EXOC6B: variants seen among roughly 807,000 people sequenced by gnomAD.
The protein encoded by EXOC6B is SEC15 homolog B.
EXOC6B carries 54 observed loss-of-function variants against 113.5 expected under a neutral mutation model. The ratio of observed to expected loss-of-function variants is 0.48; its 90% CI spans 0.38 to 0.60. The LOEUF (loss-of-function observed/expected upper bound fraction) is 0.60. Ranked by LOEUF, EXOC6B falls within the 20% of genes least tolerant of loss-of-function variation. The pLI is 0.00. For synonymous variants in EXOC6B, 357 were observed against 339.0 expected (o/e 1.05, Z -0.58); for missense variants, 797 against 977.5 (o/e 0.82, Z 2.46).
At chr2:72,699,178 G>C (rs530507175) in intron 6 of EXOC6B, among the ~76,000 whole-genome samples, 3 of 152,212 alleles carry the variant, frequency 2.0e-5, no homozygotes, top group Non-Finnish European at 4.4e-5. Context: ...GCTTGAAGAC[G>C]TATCAAGAAA....
intron 8 of EXOC6B, among the ~76,000 whole-genome samples, chr2:72,532,432 T>C (rs1039585001): frequency 6.6e-6 from 1 of 152,182 alleles, no homozygotes; most frequent in Admixed American, 6.5e-5. Flanking sequence ...GAGTGGCTAG[T>C]AGGTATCAGA....
At chr2:72,491,949 AT>A (rs1189833417) in intron 16 of EXOC6B, among the ~76,000 whole-genome samples, 1 of 152,142 alleles carries the variant, frequency 6.6e-6, no homozygotes, top group Non-Finnish European at 1.5e-5. Context: ...GCAAAATGTG[AT>A]TTCATATTCT....
At position 72,354,995 on chromosome 2, in the gene EXOC6B, A is replaced by G. The variant is rs112523483; in HGVS notation, c.2123-19975T>C. 4.1e-3 allele frequency among the ~76,000 whole-genome samples: 624 copies of G among 152,320 alleles called. 4 individuals are homozygous for G. The highest frequency in any genetic ancestry group is 0.014 in the African/African-American group (595 of 41,570). ...GGGCCTGGGAGGTGGAGGAGAGACA[A>G]TCTATAAATTCCCAAAGAAGCTTTT... is the stretch of plus-strand genomic sequence containing the variant. On this transcript the variant is annotated intron_variant, in intron 19 of 21. Transcript: ENST00000272427.
chr2:72,380,937 CCTT>C (rs1012251941), intron 18 of EXOC6B, among the ~76,000 whole-genome samples: 2 of 152,090 alleles, frequency 1.3e-5, no homozygotes, highest in African/African-American at 4.8e-5. Context: ...AGTGAATCAT[CCTT>C]CTTTTTTGAA....
chr2:72,379,662 T>G, intron 19 of EXOC6B, 67 bp downstream of exon 19: 9 of 1,521,540 alleles, frequency 5.9e-6, no homozygotes, highest in Non-Finnish European at 7.1e-6. Flanking sequence ...ACCTAAAACT[T>G]TTTTTCCCCT....
At chr2:72,187,643 T>C (rs1572964493) in intron 20 of EXOC6B, among the ~76,000 whole-genome samples, 1 of 152,058 alleles carries the variant, frequency 6.6e-6, no homozygotes, top group East Asian at 1.9e-4. Flanking sequence ...GGTCGTCCTG[T>C]TGTCTCTCTG....
intron 18 of EXOC6B, among the ~76,000 whole-genome samples, chr2:72,418,858 T>C (rs1214379326): frequency 6.6e-6 from 1 of 152,168 alleles, no homozygotes; most frequent in Non-Finnish European, 1.5e-5. Context: ...CTATTACTTC[T>C]CCAGAAGCCT....
intron 20 of EXOC6B, among the ~76,000 whole-genome samples, chr2:72,271,927 C>G (rs1684512002): frequency 6.6e-6 from 1 of 152,122 alleles, no homozygotes; most frequent in African/African-American, 2.4e-5. Context: ...TAAAGCTGAA[C>G]TCTCCATTTG....
At chr2:72,340,856 A>C (rs569372421) in intron 19 of EXOC6B, among the ~76,000 whole-genome samples, 1 of 152,300 alleles carries the variant, frequency 6.6e-6, no homozygotes, top group South Asian at 2.1e-4. Flanking sequence ...GCCTTCTTGC[A>C]TCACATCACA....
At chr2:72,398,022 G>T (rs959233853) in intron 18 of EXOC6B, among the ~76,000 whole-genome samples, 7 of 152,162 alleles carry the variant, frequency 4.6e-5, no homozygotes, top group African/African-American at 1.4e-4. Context: ...CAAATTGATT[G>T]AGCCACCAGG....
At chr2:72,718,424 GA>G in intron 5 of EXOC6B, 117 bp from the exon 6 acceptor site, 1 of 600,088 alleles carries the variant, frequency 1.7e-6, no homozygotes, top group Non-Finnish European at 2.8e-6. Flanking sequence ...AAGTTTTAAT[GA>G]GAACATCAGT....
intron 17 of EXOC6B, among the ~76,000 whole-genome samples, chr2:72,472,165 C>A (rs1279193021): frequency 6.6e-6 from 1 of 152,100 alleles, no homozygotes; most frequent in African/African-American, 2.4e-5. Context: ...GAATATTGGT[C>A]TGTAGTTTTC....
chr2:72,594,192 G>A (rs532136822), intron 6 of EXOC6B, among the ~76,000 whole-genome samples: 11 of 151,988 alleles, frequency 7.2e-5, no homozygotes, highest in South Asian at 2.1e-4. Flanking sequence ...TATGTTGCCC[G>A]GGCTGCTCTC....
intron 18 of EXOC6B, among the ~76,000 whole-genome samples, chr2:72,454,359 C>T (rs1013883548): frequency 2.0e-5 from 3 of 151,962 alleles, no homozygotes; most frequent in African/African-American, 7.3e-5. Flanking sequence ...AATAAGTTAG[C>T]CAGGAATGGC....
At chr2:72,640,439 A>G (rs1279555652) in intron 6 of EXOC6B, among the ~76,000 whole-genome samples, 1 of 152,342 alleles carries the variant, frequency 6.6e-6, no homozygotes, top group African/African-American at 2.4e-5. Context: ...CAGAAAACGT[A>G]TTTCAGGATA....
At chr2:72,695,362 A>G (rs996051693) in intron 6 of EXOC6B, among the ~76,000 whole-genome samples, 2 of 152,228 alleles carry the variant, frequency 1.3e-5, no homozygotes, top group African/African-American at 2.4e-5. Context: ...GGAAACTGCA[A>G]CTGTGAACTG....
intron 6 of EXOC6B, among the ~76,000 whole-genome samples, chr2:72,632,327 C>T (rs921787478): frequency 6.6e-6 from 1 of 152,126 alleles, no homozygotes; most frequent in African/African-American, 2.4e-5. Context: ...GAAAGAAGCT[C>T]TCTGAAAGAA....
chr2:72,691,089 T>C (rs1677447408), intron 6 of EXOC6B, among the ~76,000 whole-genome samples: 1 of 151,908 alleles, frequency 6.6e-6, no homozygotes, highest in Non-Finnish European at 1.5e-5. Context: ...CAAGACTCCA[T>C]CTCTATTATT....
At chr2:72,397,861 A>C (rs1181113625) in intron 18 of EXOC6B, among the ~76,000 whole-genome samples, 1 of 152,092 alleles carries the variant, frequency 6.6e-6, no homozygotes, top group Non-Finnish European at 1.5e-5. Flanking sequence ...TATCTACTCA[A>C]CTTGTTTGTT....
Sources: allele counts gnomAD v4.1 joint callset (sites outside exome capture counted in the v4.1 genomes callset), GRCh38; gene constraint gnomAD v4.1.1; transcripts MANE v1.5; gene names NCBI Gene and HGNC (gene_info 2026-07-23, HGNC 2026-07-21).